Variants in AKAP12 observed in about 807,000 individuals in gnomAD.
AKAP12 encodes the protein A-kinase anchoring protein 12.
A neutral mutation model predicts 79.9 loss-of-function variants in AKAP12; 32 were observed. That is an observed-to-expected ratio of 0.40 (90% CI 0.30 to 0.54). The LOEUF (loss-of-function observed/expected upper bound fraction) is 0.54, where lower values mean the gene tolerates loss of function less well. AKAP12 is among the 20% of genes least tolerant of loss of function. The probability of loss-of-function intolerance (pLI) is 0.48; values close to 1 mark genes in which losing one functional copy is unlikely to be tolerated. For synonymous variants in AKAP12, 808 were observed against 857.0 expected (o/e 0.94, Z 1.00); for missense variants, 2,074 against 2,177.0 (o/e 0.95, Z 0.94).
chr6:151,345,321 C>T (rs1397026407), intron 3 of AKAP12, among the ~76,000 whole-genome samples: 1 of 151,224 alleles, frequency 6.6e-6, no homozygotes, highest in Non-Finnish European at 1.5e-5. Context: ...GTGATCCGCC[C>T]GCCTCAGCCT....
At chr6:151,295,104 A>G (rs1179030617) in intron 2 of AKAP12, among the ~76,000 whole-genome samples, 1 of 152,226 alleles carries the variant, frequency 6.6e-6, no homozygotes, top group Admixed American at 6.5e-5. Flanking sequence ...ATGCTCTCAG[A>G]GACCGGTTTG....
intron 3 of AKAP12, among the ~76,000 whole-genome samples, chr6:151,342,480 C>T (rs1777390034): frequency 6.6e-6 from 1 of 152,166 alleles, no homozygotes; most frequent in Non-Finnish European, 1.5e-5. Context: ...TTTTAGGAGG[C>T]TTTGCTTAGC....
At chr6:151,306,362 T>C (rs1041878364) in intron 3 of AKAP12, among the ~76,000 whole-genome samples, 10 of 152,198 alleles carry the variant, frequency 6.6e-5, no homozygotes, top group Non-Finnish European at 1.5e-4. Context: ...GGAATGGTTA[T>C]TGAAGAGTGA....
intron 3 of AKAP12, among the ~76,000 whole-genome samples, chr6:151,334,622 C>CTTT (rs201525210): frequency 1.4e-5 from 2 of 142,332 alleles, no homozygotes; most frequent in African/African-American, 2.5e-5. Context: ...TGCATCTCAA[C>CTTT]TTTTTTTTTT....
chr6:151,353,823 A>G, intron 4 of AKAP12, 71 bp downstream of exon 4: 1 of 1,054,678 alleles, frequency 9.5e-7, no homozygotes, highest in Non-Finnish European at 1.4e-6. Context: ...TTACATAAGG[A>G]ATCGGGAGCA....
Position 151,349,521 on chromosome 6 carries a change from T to C in AKAP12, c.1130T>C (p.Val377Ala), listed in dbSNP as rs142810400. Residue 377 changes from valine to alanine, a missense_variant, in exon 4 of 5, where the codon GTT becomes GCT. This residue lies in a region of AKAP12 where 1,428 missense variants were observed against 1,451.0 expected (regional missense o/e 0.98). Transcript: ENST00000402676. ...CGGTTATCAGCTGAATATGAGAAAGTTGAGCTGCCCTCAGAGGAGCAAGTC... is the reference window on the plus strand; with the variant it reads ...CGGTTATCAGCTGAATATGAGAAAGCTGAGCTGCCCTCAGAGGAGCAAGTC... ...EPRLSAEYEKVELPSEEQVSG... is the reference protein window; with the variant it reads ...EPRLSAEYEKAELPSEEQVSG... The C allele has an allele frequency of 8.0e-3, 12,946 of 1,610,514 alleles. 66 individuals are homozygous for C. Among genetic ancestry groups the C allele is most frequent in the Non-Finnish European group, 9.0e-3 (10,560 of 1,179,056 alleles).
intron 2 of AKAP12, among the ~76,000 whole-genome samples, chr6:151,259,522 A>G (rs979573595): frequency 2.0e-5 from 3 of 146,574 alleles, no homozygotes; most frequent in Non-Finnish European, 3.0e-5. Flanking sequence ...ACACACACAC[A>G]CACACACACA....
At chr6:151,263,670 C>T (rs1431038271) in intron 2 of AKAP12, among the ~76,000 whole-genome samples, 1 of 152,134 alleles carries the variant, frequency 6.6e-6, no homozygotes, top group African/African-American at 2.4e-5. Context: ...CTTCCGCCTC[C>T]TGGGTTCAAG....
Position 151,349,586 on chromosome 6 carries a change from T to C in AKAP12, c.1195T>C (p.Leu399=), listed in dbSNP as rs766852523. 1.3e-5 allele frequency: 21 copies of C among 1,611,180 alleles called. No individual in the cohort carries two copies. Among genetic ancestry groups the C allele is most frequent in the East Asian group, 8.9e-5 (4 of 44,862 alleles). The change falls in exon 4 of 5, where the codon TTG becomes CTG. Residue 399 remains leucine, a synonymous_variant. Transcript: ENST00000402676. The part of the protein sequence containing the change: ...QGPSEEKPAP[L]ATEVFDEKIE... Reference sequence around the variant, plus strand: ...ACCTTCTGAAGAGAAACCTGCTCCGTTGGCGACAGAAGTGTTTGATGAGAA... The same window carrying C: ...ACCTTCTGAAGAGAAACCTGCTCCGCTGGCGACAGAAGTGTTTGATGAGAA...
chr6:151,311,923 T>C (rs1319779023), intron 3 of AKAP12, among the ~76,000 whole-genome samples: 1 of 152,132 alleles, frequency 6.6e-6, no homozygotes, highest in African/African-American at 2.4e-5. Context: ...AGACCTGCTC[T>C]GAGCCTCTTC....
At chr6:151,324,060 CCCCCTT>C in intron 3 of AKAP12, 1 of 985,384 alleles carries the variant, frequency 1.0e-6, no homozygotes, top group African/African-American at 1.7e-5. Flanking sequence ...AGTTGCCCTG[CCCCCTT>C]GGCTCTGTGG....
chr6:151,311,507 T>C (rs1035299876), intron 3 of AKAP12, among the ~76,000 whole-genome samples: 2 of 152,128 alleles, frequency 1.3e-5, no homozygotes, highest in Non-Finnish European at 2.9e-5. Flanking sequence ...CCAGCTGTGA[T>C]CACACCCCCC....
chr6:151,325,990 G>A, intron 3 of AKAP12: 1 of 1,509,764 alleles, frequency 6.6e-7, no homozygotes, highest in Non-Finnish European at 9.2e-7. Flanking sequence ...AGCCCGGGAG[G>A]TCAGTGGCGG....
chr6:151,334,725 C>A (rs1343574239), intron 3 of AKAP12, among the ~76,000 whole-genome samples: 1 of 151,450 alleles, frequency 6.6e-6, no homozygotes, highest in African/African-American at 2.4e-5. Context: ...GGGTTCACGC[C>A]ATTCTCCTGC....
At chr6:151,300,733 T>TA (rs1196255713) in intron 2 of AKAP12, among the ~76,000 whole-genome samples, 2 of 151,996 alleles carry the variant, frequency 1.3e-5, no homozygotes, top group African/African-American at 4.8e-5. Flanking sequence ...TTTTTTTTTT[T>TA]AACAGCTTGT....
chr6:151,286,920 G>A (rs968962348), intron 2 of AKAP12, among the ~76,000 whole-genome samples: 3 of 152,000 alleles, frequency 2.0e-5, no homozygotes, highest in Admixed American at 2.0e-4. Flanking sequence ...CAGCGATGGG[G>A]TAAGCATATT....
intron 1 of AKAP12, 80 bp from the exon 2 acceptor site, chr6:151,240,304 T>C (rs1347072811): frequency 2.9e-6 from 1 of 345,592 alleles, no homozygotes; most frequent in Non-Finnish European, 5.2e-6. Context: ...TGTGCTCATG[T>C]GATGAAGCGA....
intron 3 of AKAP12, among the ~76,000 whole-genome samples, chr6:151,306,795 C>T (rs1212903255): frequency 6.6e-6 from 1 of 152,162 alleles, no homozygotes; most frequent in African/African-American, 2.4e-5. Context: ...GTATATAGCA[C>T]CACAGGCACA....
At chr6:151,292,866 C>T (rs756525328) in intron 2 of AKAP12, among the ~76,000 whole-genome samples, 5 of 152,170 alleles carry the variant, frequency 3.3e-5, no homozygotes, top group African/African-American at 4.8e-5. Context: ...TCCTCTTGCC[C>T]GTCTCTGCCT....
Sources: allele counts gnomAD v4.1 joint callset (sites outside exome capture counted in the v4.1 genomes callset), GRCh38; gene constraint gnomAD v4.1.1; regional missense constraint gnomAD v4.1.1; transcripts MANE v1.5; gene names NCBI Gene and HGNC (gene_info 2026-07-23, HGNC 2026-07-21).